The following TNRC6B variants were observed in gnomAD, a reference collection of about 807,000 sequenced individuals.
The protein encoded by TNRC6B is trinucleotide repeat-containing gene 6B protein.
In TNRC6B, 52 loss-of-function variants were observed where a neutral mutation model predicts 203.6. The observed-to-expected ratio is 0.26, with a 90% CI of 0.20 to 0.32. TNRC6B has a LOEUF of 0.32. Ranked by LOEUF, TNRC6B falls within the 10% of genes least tolerant of loss-of-function variation. TNRC6B has a pLI of 1.00. For synonymous variants in TNRC6B, 838 were observed against 845.7 expected, an observed-to-expected ratio of 0.99 and a Z score of 0.16; for missense variants, 1,923 against 2,286.2, an observed-to-expected ratio of 0.84 and a Z score of 3.24.
intron 3 of TNRC6B, among the ~76,000 whole-genome samples, chr22:40,135,295 C>T (rs141746717): frequency 0.015 from 2,276 of 152,294 alleles, 26 homozygotes; most frequent in South Asian, 0.029. Flanking sequence ...ACAGACCCCA[C>T]CTTTCAGTGG....
Position 40,131,669 on chromosome 22 carries a change from A to G in TNRC6B, c.45+5807A>G, listed in dbSNP as rs568603316. ...CTTTGTTTTAATTATTGGAGCTCCAACCACTTAAAGTGGAGGCAGGAAGAA... is the reference window on the plus strand; with the variant it reads ...CTTTGTTTTAATTATTGGAGCTCCAGCCACTTAAAGTGGAGGCAGGAAGAA... On this transcript the variant is annotated intron_variant, in intron 3 of 23. Transcript: ENST00000301923. Among the ~76,000 whole-genome samples the G allele has an allele frequency of 8.5e-5, 13 of 152,296 alleles. No individual in the cohort carries two copies. The East Asian group carries it at 2.1e-3, about 25-fold the overall frequency.
At chr22:40,315,573 G>A in intron 20 of TNRC6B, 66 bp downstream of exon 20, 2 of 1,522,122 alleles carry the variant, frequency 1.3e-6, no homozygotes, top group Non-Finnish European at 1.8e-6. Context: ...AACACAGATG[G>A]TGAAGACACA....
At chr22:40,217,530 GTACAT>G (rs2069651447) in intron 1 of TNRC6B, among the ~76,000 whole-genome samples, 1 of 152,162 alleles carries the variant, frequency 6.6e-6, no homozygotes, top group Admixed American at 6.5e-5. Context: ...ATGTGACTGT[GTACAT>G]TAATTTCTTT....
At chr22:40,242,735 ATTC>A (rs1244621950) in intron 1 of TNRC6B, among the ~76,000 whole-genome samples, 2 of 149,148 alleles carry the variant, frequency 1.3e-5, no homozygotes, top group Non-Finnish European at 3.0e-5. Flanking sequence ...CGTCCCTATT[ATTC>A]TTAATATACT....
At chr22:40,059,068 C>T (rs9619845) in intron 1 of TNRC6B, among the ~76,000 whole-genome samples, 1,686 of 152,276 alleles carry the variant, frequency 0.011, 29 homozygotes, top group African/African-American at 0.039. Flanking sequence ...ACTGTCATTT[C>T]TTTCTTTTGA....
chr22:40,260,201 C>CTTT (rs5845452), intron 3 of TNRC6B, among the ~76,000 whole-genome samples: 4 of 146,650 alleles, frequency 2.7e-5, no homozygotes, highest in African/African-American at 7.5e-5. Flanking sequence ...GGAAGAAACA[C>CTTT]TTTTTTTTTT....
chr22:40,327,828 T>A lies in TNRC6B; in HGVS notation c.*4587T>A, dbSNP rs1339932513. 6.6e-6 allele frequency: 1 copy of A among 152,224 alleles called. No individual in the cohort carries two copies. The highest frequency in any genetic ancestry group is 1.5e-5 in the Non-Finnish European group (1 of 68,038). 9.4% of individuals were successfully genotyped at this position (152,224 alleles called of 1,614,324 possible). ...AGATTTATTTTAAAAACATTTTGATTATGTTAATTTGAGCTTTCCCTTTTT... is the reference window on the plus strand; with the variant it reads ...AGATTTATTTTAAAAACATTTTGATAATGTTAATTTGAGCTTTCCCTTTTT... On this transcript the variant is annotated 3_prime_UTR_variant, in exon 23 of 23. Transcript: ENST00000454349.
Position 40,170,590 on chromosome 22 carries a change from A to T in TNRC6B, c.113+14408A>T, listed in dbSNP as rs530106060. ...TATTATATATATAGTTTATATATATATTATATATAGTTTATATATATCCTA... is the reference window on the plus strand; with the variant it reads ...TATTATATATATAGTTTATATATATTTTATATATAGTTTATATATATCCTA... On this transcript the variant is annotated intron_variant, in intron 4 of 23. Transcript: ENST00000301923. Among the ~76,000 whole-genome samples the T allele has an allele frequency of 4.8e-3, 75 of 15,624 alleles. 2 individuals are homozygous for T. The highest frequency in any genetic ancestry group is 0.029 in the African/African-American group (14 of 486). The allele number at this position is 15,624 out of a possible 152,430, so 10.2% of individuals were successfully genotyped here.
rs774475974 is a variant in TNRC6B at position 40,261,818 on chromosome 22, C to T, written c.116-14C>T. ...ATGTATTTCAAAGACTGTTTCCCAA[C>T]CCCTCTCTTTTAGTGCCCGAAGTGA... On this transcript the variant is annotated splice_polypyrimidine_tract_variant and intron_variant, in intron 3 of 22. Transcript: ENST00000454349. 1 of 1,522,488 alleles carries T rather than the reference C, an allele frequency of 6.6e-7. No individual in the cohort carries two copies. The highest frequency in any genetic ancestry group is 8.9e-7 in the Non-Finnish European group (1 of 1,119,846). 94.3% of individuals were successfully genotyped at this position (1,522,488 alleles called of 1,614,324 possible).
chr22:40,123,106 A>G (rs370310667), intron 2 of TNRC6B, among the ~76,000 whole-genome samples: 52 of 152,144 alleles, frequency 3.4e-4, no homozygotes, highest in African/African-American at 1.2e-3. Flanking sequence ...TGGAAAACTG[A>G]GGGCTGTAGT....
intron 1 of TNRC6B, among the ~76,000 whole-genome samples, chr22:40,234,301 T>C (rs929027229): frequency 1.3e-5 from 2 of 152,040 alleles, no homozygotes; most frequent in South Asian, 4.2e-4. Flanking sequence ...AAACAAAAAC[T>C]TCACTAAGGT....
chr22:40,105,932 C>T (rs2068278959), intron 1 of TNRC6B, among the ~76,000 whole-genome samples: 1 of 152,180 alleles, frequency 6.6e-6, no homozygotes, highest in African/African-American at 2.4e-5. Context: ...GCCCGAGCAA[C>T]ACTTAATCAT....
At position 40,156,113 on chromosome 22, in the gene TNRC6B, A is replaced by G. The variant is rs146996627; in HGVS notation, c.46-2A>G. On this transcript the variant is annotated splice_acceptor_variant, in intron 3 of 23. Coordinates refer to the TNRC6B transcript ENST00000301923. LOFTEE classifies it high-confidence loss of function. ...GCTGACCTGTGGTGCTTGCCTTTGC[A>G]GGTGGAACAGGAGGATTTTGTAATG... The G allele has an allele frequency of 7.6e-6, 12 of 1,575,580 alleles. No homozygotes were observed. In the Admixed American group the frequency reaches 2.0e-4, roughly 27 times the overall value.
At chr22:40,054,365 A>G (rs545419348) in intron 1 of TNRC6B, among the ~76,000 whole-genome samples, 149 of 152,160 alleles carry the variant, frequency 9.8e-4, no homozygotes, top group African/African-American at 3.3e-3. Flanking sequence ...TACTCTCACC[A>G]TACTGACCCT....
At chr22:40,267,809 G>C (rs978799584) in intron 5 of TNRC6B, among the ~76,000 whole-genome samples, 1 of 152,096 alleles carries the variant, frequency 6.6e-6, no homozygotes, top group South Asian at 2.1e-4. Context: ...ATGGGAGGCT[G>C]TAGGGAGCTA....
chr22:40,091,224 C>T (rs538908872), intron 1 of TNRC6B, among the ~76,000 whole-genome samples: 158 of 152,118 alleles, frequency 1.0e-3, no homozygotes, highest in African/African-American at 3.6e-3. Context: ...ACCTCGTGAT[C>T]CGCCCGCCTC....
intron 4 of TNRC6B, among the ~76,000 whole-genome samples, chr22:40,263,169 A>G (rs1601466728): frequency 6.6e-6 from 1 of 152,332 alleles, no homozygotes; most frequent in East Asian, 1.9e-4. Context: ...TTGGGGTGAT[A>G]TTAAAATTCA....
chr22:40,101,373 C>G (rs1308290120), intron 1 of TNRC6B, among the ~76,000 whole-genome samples: 1 of 152,160 alleles, frequency 6.6e-6, no homozygotes, highest in African/African-American at 2.4e-5. Context: ...ACATTGCCGG[C>G]GCCACCCCCA....
At chr22:40,097,831 G>T (rs995591757) in intron 1 of TNRC6B, among the ~76,000 whole-genome samples, 2 of 151,954 alleles carry the variant, frequency 1.3e-5, no homozygotes, top group African/African-American at 4.8e-5. Flanking sequence ...TATACAAAAT[G>T]TTTTATAATG....
Sources: allele counts gnomAD v4.1 joint callset (sites outside exome capture counted in the v4.1 genomes callset), GRCh38; gene constraint gnomAD v4.1.1; transcripts MANE v1.5; gene names NCBI Gene and HGNC (gene_info 2026-07-23, HGNC 2026-07-21).